Variants in PCCA observed in about 807,000 individuals in gnomAD.
PCCA encodes propionyl-CoA carboxylase subunit alpha.
Under a neutral mutation model 101.3 loss-of-function variants are expected in PCCA, and 74 were observed. That is an observed-to-expected ratio of 0.73 (90% CI 0.61 to 0.89). The LOEUF is 0.89. Among genes scored for constraint, PCCA ranks in the 40% least tolerant of loss-of-function variants. PCCA has a pLI of 0.00. For synonymous variants in PCCA, 294 were observed against 313.6 expected (o/e 0.94, Z 0.66); for missense variants, 891 against 907.0 (o/e 0.98, Z 0.23).
chr13:100,218,136 A>T (rs945708054), intron 7 of PCCA, among the ~76,000 whole-genome samples: 2 of 151,444 alleles, frequency 1.3e-5, no homozygotes, highest in Non-Finnish European at 2.9e-5. Flanking sequence ...GACCATTGCA[A>T]TTAGTATTGC....
chr13:100,118,032 T>G lies in PCCA; in HGVS notation c.300+5971T>G, dbSNP rs967915098. Among the ~76,000 whole-genome samples, 3 of 149,044 alleles carry G rather than the reference T, an allele frequency of 2.0e-5. No individual in the cohort carries two copies. In the East Asian group the frequency reaches 5.9e-4, roughly 30 times the overall value. On this transcript the variant is annotated intron_variant, in intron 4 of 23. Coordinates refer to ENST00000376285, the MANE Select transcript of PCCA (RefSeq NM_000282.4). ...TTGGGAGGCTGAGGCAGGAGAATGG[T>G]GTGAACCCGGGAGGCGGAGCTTGCA...
At chr13:100,125,639 A>G (rs1426919221) in intron 4 of PCCA, among the ~76,000 whole-genome samples, 1 of 152,248 alleles carries the variant, frequency 6.6e-6, no homozygotes, top group Non-Finnish European at 1.5e-5. Context: ...AAAACAATAG[A>G]CTTTTCATTA....
intron 16 of PCCA, among the ~76,000 whole-genome samples, chr13:100,317,752 A>T (rs1415280547): frequency 6.6e-6 from 1 of 152,060 alleles, no homozygotes; most frequent in Non-Finnish European, 1.5e-5. Context: ...ACACCCAGCT[A>T]ATTTTTTGTA....
At chr13:100,231,539 G>A (rs1390410710) in intron 7 of PCCA, among the ~76,000 whole-genome samples, 1 of 152,142 alleles carries the variant, frequency 6.6e-6, no homozygotes, top group African/African-American at 2.4e-5. Context: ...CTCCTAGTTT[G>A]TTTTGATAAC....
At chr13:100,522,134 T>C (rs1038592394) in intron 22 of PCCA, among the ~76,000 whole-genome samples, 3 of 152,248 alleles carry the variant, frequency 2.0e-5, no homozygotes, top group African/African-American at 7.2e-5. Flanking sequence ...GCCCTGCTTC[T>C]GTACAGCAGA....
At chr13:100,526,158 A>T (rs1384150251) in intron 22 of PCCA, among the ~76,000 whole-genome samples, 1 of 152,152 alleles carries the variant, frequency 6.6e-6, no homozygotes, top group Non-Finnish European at 1.5e-5. Flanking sequence ...AAAAGGCTGT[A>T]AAATGCCAAC....
chr13:100,340,192 T>C lies in PCCA; in HGVS notation c.1576T>C (p.Leu526=), dbSNP rs564315582. ...MLTKSEKNQL[L]AIASSLFVAF... is the part of the protein sequence containing the mutation. ...AACCAAGAGTGAGAAGAACCAGTTA[T>C]TGGCAATAGCATCATCATTGTTTGT... The change falls in exon 18 of 24, where the codon TTG becomes CTG. Residue 526 remains leucine (L), a synonymous_variant. Coordinates refer to ENST00000376285, the MANE Select transcript of PCCA (RefSeq NM_000282.4). 1.9e-5 allele frequency: 30 copies of C among 1,610,416 alleles called. No homozygotes were observed. In the East Asian group the frequency reaches 3.3e-4, roughly 18 times the overall value.
chr13:100,217,393 G>A (rs562164105), intron 7 of PCCA, among the ~76,000 whole-genome samples: 54 of 150,838 alleles, frequency 3.6e-4, no homozygotes, highest in African/African-American at 1.0e-3. Flanking sequence ...GCAGTGAGCC[G>A]AGATCATGCC....
At chr13:100,325,329 G>A (rs2068544112) in intron 16 of PCCA, among the ~76,000 whole-genome samples, 1 of 152,152 alleles carries the variant, frequency 6.6e-6, no homozygotes, top group African/African-American at 2.4e-5. Context: ...AAGGTGGAAG[G>A]ATATAAAGCT....
intron 11 of PCCA, 125 bp downstream of exon 11, chr13:100,268,908 G>C: frequency 2.6e-6 from 2 of 770,948 alleles, no homozygotes; most frequent in Non-Finnish European, 2.3e-6. Context: ...CCCAGGCAGT[G>C]GTGCAATCAC....
rs568360992 is a variant in PCCA, at chr13:100,260,428, G to A, written c.717-2301G>A. Among the ~76,000 whole-genome samples the A allele has an allele frequency of 2.3e-3, 328 of 145,286 alleles. 3 individuals carry two copies. Among genetic ancestry groups the A allele is most frequent in the Non-Finnish European group, 4.2e-3 (282 of 66,954 alleles). On this transcript the variant is annotated intron_variant, in intron 9 of 23. Coordinates refer to ENST00000376285, the MANE Select transcript of PCCA (RefSeq NM_000282.4). ...TTTTTTTTTTTTGAGATGGAGTCTC[G>A]CTCTGTTGTCCAGGCTGGAGTGCAG...
intron 10 of PCCA, among the ~76,000 whole-genome samples, chr13:100,263,760 T>G (rs2062686727): frequency 1.3e-5 from 2 of 152,122 alleles, no homozygotes; most frequent in East Asian, 3.9e-4. Context: ...ATATATCACA[T>G]ATAATATCTG....
At chr13:100,397,875 A>G (rs1316208303) in intron 19 of PCCA, among the ~76,000 whole-genome samples, 1 of 152,230 alleles carries the variant, frequency 6.6e-6, no homozygotes, top group Non-Finnish European at 1.5e-5. Context: ...AAATAACCAT[A>G]GACAAACTTG....
At chr13:100,089,605 T>C (rs1218470744) in intron 1 of PCCA, among the ~76,000 whole-genome samples, 1 of 152,208 alleles carries the variant, frequency 6.6e-6, no homozygotes, top group Non-Finnish European at 1.5e-5. Flanking sequence ...TCCTTATAGT[T>C]TCCGTGTTCT....
intron 21 of PCCA, among the ~76,000 whole-genome samples, chr13:100,488,644 GTT>G (rs1186017014): frequency 1.5e-5 from 1 of 64,886 alleles, no homozygotes. Flanking sequence ...TTTTTTTTTT[GTT>G]TTTTTTTTTT....
intron 21 of PCCA, among the ~76,000 whole-genome samples, chr13:100,505,862 C>T (rs574875371): frequency 7.2e-5 from 11 of 151,992 alleles, no homozygotes; most frequent in African/African-American, 2.7e-4. Context: ...CCACCCTCCC[C>T]CATCCCCCCC....
intron 2 of PCCA, among the ~76,000 whole-genome samples, chr13:100,109,574 G>A (rs905015956): frequency 6.6e-6 from 1 of 152,174 alleles, no homozygotes; most frequent in African/African-American, 2.4e-5. Context: ...TAAACATTGT[G>A]TTCTCAGGAT....
At chr13:100,423,201 C>T (rs1170115519) in intron 19 of PCCA, among the ~76,000 whole-genome samples, 1 of 152,108 alleles carries the variant, frequency 6.6e-6, no homozygotes, top group Non-Finnish European at 1.5e-5. Flanking sequence ...CGGAGTCTAT[C>T]ACGAAATGCC....
chr13:100,146,714 G>A (rs992742200), intron 4 of PCCA, among the ~76,000 whole-genome samples: 1 of 151,958 alleles, frequency 6.6e-6, no homozygotes, highest in African/African-American at 2.4e-5. Context: ...AATAAAATTA[G>A]AAAGATAAAT....
Sources: gnomAD v4.1 joint callset for allele counts (sites outside exome capture counted in the v4.1 genomes callset) on GRCh38, gnomAD v4.1.1 for gene constraint, MANE v1.5 for transcripts, NCBI Gene and HGNC (gene_info 2026-07-23, HGNC 2026-07-21) for gene names.